CD300E: variants seen among roughly 807,000 people sequenced by gnomAD.
CD300E encodes the protein CD300e molecule.
CD300E carries 14 observed loss-of-function variants against 20.9 expected under a neutral mutation model. The ratio of observed to expected loss-of-function variants is 0.67; its 90% CI spans 0.44 to 1.05. CD300E has a LOEUF of 1.05. Among genes scored for constraint, CD300E ranks in the 50% least tolerant of loss-of-function variants. The probability of loss-of-function intolerance (pLI) is 0.00; values close to 1 mark genes in which losing one functional copy is unlikely to be tolerated. For synonymous variants in CD300E, 102 were observed against 103.7 expected, an observed-to-expected ratio of 0.98 and a Z score of 0.10; for missense variants, 237 against 253.9, an observed-to-expected ratio of 0.93 and a Z score of 0.45.
chr17:74,619,129 T>C lies in CD300E; in HGVS notation c.41-1664A>G, dbSNP rs1323200820. 4 of 471,190 alleles carry C rather than the reference T, an allele frequency of 8.5e-6. No individual in the cohort carries two copies. The East Asian group carries it at 2.1e-4, about 25-fold the overall frequency. 29.2% of individuals were successfully genotyped at this position (471,190 alleles called of 1,614,324 possible). ...CTTCCACCTGCCCCCAGCTTCCTCC[T>C]GGAGGTGGCACATCCCAGCAGCACC... On this transcript the variant is annotated intron_variant, in intron 1 of 3. Coordinates refer to ENST00000392619, the MANE Select transcript of CD300E (RefSeq NM_181449.3).
intron 2 of CD300E, among the ~76,000 whole-genome samples, chr17:74,615,892 T>A (rs894175245): frequency 2.6e-5 from 4 of 152,090 alleles, no homozygotes; most frequent in African/African-American, 9.7e-5. Context: ...TTGAGACCTG[T>A]CTGGGCAACG....
In CD300E at chr17:74,623,572, C is replaced by T. The variant is rs2031067320; in HGVS notation, c.40+10G>A. On this transcript the variant is annotated intron_variant, in intron 1 of 3. Coordinates refer to ENST00000392619, the MANE Select transcript of CD300E (RefSeq NM_181449.3). ...CAAAACCAAGTCCCCAAAGCCACAG[C>T]CCCACTCACCTGAGAGGCAGAGAAG... 6.2e-7 allele frequency: 1 copy of T among 1,613,872 alleles called. No homozygotes were observed. Among genetic ancestry groups the T allele is most frequent in the East Asian group, 2.2e-5 (1 of 44,884 alleles).
At chr17:74,621,689 C>G (rs1386233007) in intron 1 of CD300E, among the ~76,000 whole-genome samples, 1 of 152,150 alleles carries the variant, frequency 6.6e-6, no homozygotes, top group Non-Finnish European at 1.5e-5. Context: ...GCTATTTTGT[C>G]ACTATTACTA....
chr17:74,619,172 C>A, intron 1 of CD300E: 1 of 470,396 alleles, frequency 2.1e-6, no homozygotes, highest in Non-Finnish European at 4.4e-6. Context: ...AGGTTCTGGA[C>A]AGAGCTCAGG....
intron 1 of CD300E, among the ~76,000 whole-genome samples, chr17:74,618,421 G>T (rs905454842): frequency 6.6e-6 from 1 of 152,172 alleles, no homozygotes; most frequent in African/African-American, 2.4e-5. Context: ...AGAGTAACCT[G>T]AGTTCACAAT....
At chr17:74,613,125 GAC>G (rs1354089678) in intron 3 of CD300E, among the ~76,000 whole-genome samples, 1 of 152,116 alleles carries the variant, frequency 6.6e-6, no homozygotes. Flanking sequence ...TATTTTCTGA[GAC>G]AGAGTCTCAC....
chr17:74,614,665 T>A (rs2030861137), intron 2 of CD300E, among the ~76,000 whole-genome samples: 1 of 151,960 alleles, frequency 6.6e-6, no homozygotes, highest in Non-Finnish European at 1.5e-5. Context: ...TATTTTTAGT[T>A]GAGATGGGGT....
At chr17:74,620,455 G>A (rs1198538648) in intron 1 of CD300E, among the ~76,000 whole-genome samples, 2 of 152,076 alleles carry the variant, frequency 1.3e-5, no homozygotes, top group Non-Finnish European at 2.9e-5. Context: ...GGGCAACAGA[G>A]AGAGACTCCA....
In CD300E at chr17:74,612,786, C is replaced by T. The variant is rs372201134; in HGVS notation, c.498-13G>A. The T allele has an allele frequency of 8.1e-6, 13 of 1,613,118 alleles. No individual in the cohort carries two copies. Among genetic ancestry groups the T allele is most frequent in the Admixed American group, 3.3e-5 (2 of 59,976 alleles). On this transcript the variant is annotated splice_polypyrimidine_tract_variant and intron_variant, in intron 3 of 3. Transcript: ENST00000392619. ...GCTGAGCCGGAACCTGTGGTGGACACGGTGAAAATGAGTCACTTCCCCGGG... is the reference window on the plus strand; with the variant it reads ...GCTGAGCCGGAACCTGTGGTGGACATGGTGAAAATGAGTCACTTCCCCGGG...
intron 2 of CD300E, among the ~76,000 whole-genome samples, chr17:74,616,843 C>G (rs2030910698): frequency 6.6e-6 from 1 of 152,178 alleles, no homozygotes; most frequent in Admixed American, 6.5e-5. Flanking sequence ...GTGGAAACAG[C>G]TTTGGCTCAG....
chr17:74,612,596 C>G lies in CD300E; in HGVS notation c.*57G>C. 1.3e-6 allele frequency: 2 copies of G among 1,598,362 alleles called. No homozygotes were observed. The highest frequency in any genetic ancestry group is 1.1e-5 in the South Asian group (1 of 90,166). On this transcript the variant is annotated 3_prime_UTR_variant, in exon 4 of 4. Transcript: ENST00000392619. ...TCGCATCCAGTCTGAAAGGTTGACT[C>G]CCTGCACGGGGCACTCCTGGGGATG...
rs1393562022 is a variant in CD300E at position 74,612,176 on chromosome 17, T to G, written c.*477A>C. 1.3e-5 allele frequency: 2 copies of G among 152,478 alleles called. No individual in the cohort carries two copies. The highest frequency in any genetic ancestry group is 1.5e-5 in the Non-Finnish European group (1 of 68,456). 9.4% of individuals were successfully genotyped at this position (152,478 alleles called of 1,614,324 possible). A position where few individuals can be genotyped will look rare whatever the true frequency, so the allele number is the denominator to read the frequency against. On this transcript the variant is annotated 3_prime_UTR_variant, in exon 4 of 4. Transcript: ENST00000392619. ...GAAGGGCCAGGCTCCTCCAGAAAAT[T>G]TTTTCCCTCCCTTCCTCCGTCCTTT...
chr17:74,613,293 G>A (rs1455943706), intron 3 of CD300E, among the ~76,000 whole-genome samples: 1 of 152,162 alleles, frequency 6.6e-6, no homozygotes, highest in East Asian at 1.9e-4. Context: ...AGTAGAGACA[G>A]GGTTTCACCA....
intron 1 of CD300E, among the ~76,000 whole-genome samples, chr17:74,618,050 C>A (rs1323535054): frequency 1.3e-5 from 2 of 152,178 alleles, no homozygotes; most frequent in East Asian, 3.9e-4. Context: ...CGACAATAGT[C>A]CCCAGGTCTT....
In CD300E at chr17:74,623,497, C is replaced by T. The variant is rs2031065340; in HGVS notation, c.40+85G>A. 3.0e-6 allele frequency: 4 copies of T among 1,342,922 alleles called. No individual in the cohort carries two copies. In the South Asian group the frequency reaches 3.7e-5, roughly 12 times the overall value. The allele number at this position is 1,342,922 out of a possible 1,614,324, so 83.2% of individuals were successfully genotyped here. On this transcript the variant is annotated intron_variant, in intron 1 of 3. Coordinates refer to ENST00000392619, the MANE Select transcript of CD300E (RefSeq NM_181449.3). ...CTTTCCCTTTTCTGTGGACACTTCACCTCTGGTTTGAACCCAGGACAGCTC... is the reference window on the plus strand; with the variant it reads ...CTTTCCCTTTTCTGTGGACACTTCATCTCTGGTTTGAACCCAGGACAGCTC...
intron 3 of CD300E, 36 bp downstream of exon 3, chr17:74,613,872 AGCTTCCACCCCAGGGTT>A: frequency 8.0e-7 from 1 of 1,247,656 alleles, no homozygotes; most frequent in Non-Finnish European, 1.2e-6. Context: ...CCCACCCCCC[AGCTTCCACCCCAGGGTT>A]GCTCCCTCCA....
At chr17:74,619,658 G>A (rs1742002133) in intron 1 of CD300E, among the ~76,000 whole-genome samples, 1 of 152,108 alleles carries the variant, frequency 6.6e-6, no homozygotes, top group South Asian at 2.1e-4. Flanking sequence ...GAGCACAGCT[G>A]AGGGAGGAAA....
rs529375295 is a variant in CD300E at position 74,620,237 on chromosome 17, C to T, written c.41-2772G>A. ...CTGTAATCCCAGCACTTTGGGAGGC[C>T]GAGGCGGGCGGATCACCAGAGGTCA... On this transcript the variant is annotated intron_variant, in intron 1 of 3. Coordinates refer to ENST00000392619, the MANE Select transcript of CD300E (RefSeq NM_181449.3). Among the ~76,000 whole-genome samples the T allele has an allele frequency of 2.0e-5, 3 of 152,184 alleles. No homozygotes were observed. The South Asian group carries it at 6.2e-4, about 32-fold the overall frequency.
chr17:74,610,654 C>T lies in CD300E; in HGVS notation c.*1999G>A, dbSNP rs1034158957. ...TCTTGTTCTGCTCAAATCCATCCCA[C>T]CATAGCTAATCAAAGTTTAAGTAAG... On this transcript the variant is annotated 3_prime_UTR_variant, in exon 4 of 4. Transcript: ENST00000392619. 6.6e-6 allele frequency: 1 copy of T among 152,350 alleles called. No individual in the cohort carries two copies. The highest frequency in any genetic ancestry group is 6.5e-5 in the Admixed American group (1 of 15,296). 9.4% of individuals were successfully genotyped at this position (152,350 alleles called of 1,614,324 possible). A position where few individuals can be genotyped will look rare whatever the true frequency, so the allele number is the denominator to read the frequency against.
Sources: gnomAD v4.1 joint callset for allele counts (sites outside exome capture counted in the v4.1 genomes callset) on GRCh38, gnomAD v4.1.1 for gene constraint, MANE v1.5 for transcripts, NCBI Gene and HGNC (gene_info 2026-07-23, HGNC 2026-07-21) for gene names.